MLLT10: variants seen among roughly 807,000 people sequenced by gnomAD.
MLLT10 encodes the protein MLLT10 histone lysine methyltransferase DOT1L cofactor.
A neutral mutation model predicts 129.1 loss-of-function variants in MLLT10; 30 were observed. The ratio of observed to expected loss-of-function variants is 0.23; its 90% CI spans 0.17 to 0.32. The LOEUF (loss-of-function observed/expected upper bound fraction) is 0.32, where lower values mean the gene tolerates loss of function less well. Among genes scored for constraint, MLLT10 ranks in the 10% least tolerant of loss-of-function variants. The pLI is 1.00. For synonymous variants in MLLT10, 490 were observed against 446.4 expected, an observed-to-expected ratio of 1.10 and a Z score of -1.23; for missense variants, 1,119 against 1,268.3, an observed-to-expected ratio of 0.88 and a Z score of 1.79.
chr10:21,686,798 A>G (rs1367250154), intron 13 of MLLT10, among the ~76,000 whole-genome samples: 1 of 152,164 alleles, frequency 6.6e-6, no homozygotes, highest in African/African-American at 2.4e-5. Context: ...CCTGCTCAAC[A>G]TGACGAAACC....
At chr10:21,586,818 C>G (rs960362467) in intron 4 of MLLT10, among the ~76,000 whole-genome samples, 1 of 151,312 alleles carries the variant, frequency 6.6e-6, no homozygotes, top group Non-Finnish European at 1.5e-5. Flanking sequence ...ACTTGGGAGG[C>G]GGAGGTTGCA....
chr10:21,694,469 T>G (rs940518559), intron 13 of MLLT10, among the ~76,000 whole-genome samples: 2 of 152,228 alleles, frequency 1.3e-5, no homozygotes, highest in African/African-American at 4.8e-5. Context: ...TAGTAATTAT[T>G]TTGTGGAATA....
chr10:21,733,525 A>ACAG lies in MLLT10; in HGVS notation c.2433_2435dup (p.Ser812dup), dbSNP rs1340147249. ...CTAGCTCCTACTACTGATTCCTTGA[A>ACAG]CAGCAGTAAGAGCCCTCATATAGGA... On this transcript the variant is annotated inframe_insertion, in exon 19 of 23. Coordinates refer to ENST00000307729, the MANE Select transcript of MLLT10 (RefSeq NM_001195626.3). 8 of 1,560,914 alleles carry ACAG rather than the reference A, an allele frequency of 5.1e-6. No individual in the cohort carries two copies. Among genetic ancestry groups the ACAG allele is most frequent in the Non-Finnish European group, 8.6e-7 (1 of 1,160,240 alleles).
At chr10:21,649,995 A>G (rs1564576531) in intron 8 of MLLT10, among the ~76,000 whole-genome samples, 1 of 152,162 alleles carries the variant, frequency 6.6e-6, no homozygotes, top group Admixed American at 6.6e-5. Context: ...AGTCTGAATT[A>G]GAAGCATCAT....
intron 3 of MLLT10, among the ~76,000 whole-genome samples, chr10:21,552,078 C>T (rs1049252573): frequency 6.6e-6 from 1 of 152,030 alleles, no homozygotes; most frequent in Non-Finnish European, 1.5e-5. Flanking sequence ...AGGTACACAC[C>T]GCCATGCCTG....
At chr10:21,584,741 A>ATATGTAGGGTGTGTT (rs1320905096) in intron 3 of MLLT10, among the ~76,000 whole-genome samples, 1 of 151,156 alleles carries the variant, frequency 6.6e-6, no homozygotes, top group Admixed American at 6.6e-5. Flanking sequence ...TAGGGTGTGT[A>ATATGTAGGGTGTGTT]TATATAGTGT....
chr10:21,738,401 A>G, intron 21 of MLLT10: 1 of 1,288,396 alleles, frequency 7.8e-7, no homozygotes, highest in Non-Finnish European at 1.0e-6. Context: ...TACTCTAATA[A>G]TAGCATGTGT....
intron 3 of MLLT10, among the ~76,000 whole-genome samples, chr10:21,580,035 A>ATTTT (rs2041234506): frequency 6.9e-6 from 1 of 145,574 alleles, no homozygotes. Context: ...TTTTTTTTTA[A>ATTTT]TTTGAGATCA....
chr10:21,681,223 A>C, intron 11 of MLLT10, 109 bp from the exon 12 acceptor site: 1 of 1,418,084 alleles, frequency 7.1e-7, no homozygotes, highest in Non-Finnish European at 9.8e-7. Flanking sequence ...TGGCCTACTT[A>C]ACTACACTTT....
At chr10:21,669,598 T>C (rs1235047124) in intron 9 of MLLT10, among the ~76,000 whole-genome samples, 1 of 152,238 alleles carries the variant, frequency 6.6e-6, no homozygotes. Context: ...TCAGATACTT[T>C]AGTGAACTTA....
chr10:21,630,809 GT>G (rs938403097), intron 8 of MLLT10, among the ~76,000 whole-genome samples: 1 of 152,188 alleles, frequency 6.6e-6, no homozygotes, highest in African/African-American at 2.4e-5. Flanking sequence ...ACTCTTTGTA[GT>G]TTTTGACACC....
chr10:21,714,558 AG>A (rs2056385229), intron 14 of MLLT10, among the ~76,000 whole-genome samples: 1 of 152,122 alleles, frequency 6.6e-6, no homozygotes, highest in Non-Finnish European at 1.5e-5. Context: ...TTTGAGACGG[AG>A]TCTCACTTTG....
chr10:21,551,232 C>T (rs950737069), intron 3 of MLLT10, among the ~76,000 whole-genome samples: 2 of 137,974 alleles, frequency 1.4e-5, no homozygotes, highest in African/African-American at 2.7e-5. Flanking sequence ...GCCAACTTAT[C>T]TTTGATTTCT....
intron 3 of MLLT10, among the ~76,000 whole-genome samples, chr10:21,545,600 A>G (rs2035935184): frequency 6.6e-6 from 1 of 152,214 alleles, no homozygotes; most frequent in South Asian, 2.1e-4. Context: ...GTAGATAGAC[A>G]TTGATTGTTT....
chr10:21,706,094 T>C (rs976622747), intron 13 of MLLT10, among the ~76,000 whole-genome samples: 9 of 152,240 alleles, frequency 5.9e-5, no homozygotes, highest in Non-Finnish European at 1.0e-4. Flanking sequence ...TCCAGTGTTT[T>C]CTCTTGGACG....
rs998661295 is a variant in MLLT10 at position 21,738,593 on chromosome 10, C to G, written c.2956-1437C>G. The G allele has an allele frequency of 7.4e-6, 9 of 1,216,774 alleles. No homozygotes were observed. The Admixed American group carries it at 1.2e-4, about 16-fold the overall frequency. The allele number at this position is 1,216,774 out of a possible 1,614,324, so 75.4% of individuals were successfully genotyped here. ...TTTTTTGGAAGCCTCCGCACAGCTT[C>G]CGCTCGACACTCTTGCTTGACTCTG... On this transcript the variant is annotated intron_variant, in intron 21 of 22. Transcript: ENST00000307729.
chr10:21,578,424 CT>C (rs2041021584), intron 3 of MLLT10, among the ~76,000 whole-genome samples: 1 of 152,140 alleles, frequency 6.6e-6, no homozygotes, highest in Non-Finnish European at 1.5e-5. Context: ...CATCCTTTTA[CT>C]TTCCTGATGG....
At chr10:21,607,389 C>T (rs1049712860) in intron 5 of MLLT10, among the ~76,000 whole-genome samples, 12 of 143,122 alleles carry the variant, frequency 8.4e-5, no homozygotes, top group Admixed American at 1.5e-4. Flanking sequence ...GGCACGATCT[C>T]GTCTCACCAC....
At chr10:21,652,385 A>G (rs1316694144) in intron 9 of MLLT10, among the ~76,000 whole-genome samples, 1 of 152,144 alleles carries the variant, frequency 6.6e-6, no homozygotes, top group Admixed American at 6.5e-5. Flanking sequence ...TTACTGATTG[A>G]GTGTTTAGGT....
Sources: allele counts gnomAD v4.1 joint callset (sites outside exome capture counted in the v4.1 genomes callset), GRCh38; gene constraint gnomAD v4.1.1; transcripts MANE v1.5; gene names NCBI Gene and HGNC (gene_info 2026-07-23, HGNC 2026-07-21).